The following KCNIP4 variants were observed in gnomAD, a reference collection of about 807,000 sequenced individuals.
KCNIP4 encodes the protein Kv channel-interacting protein 4.
A neutral mutation model predicts 34.0 loss-of-function variants in KCNIP4; 12 were observed. The observed-to-expected ratio is 0.35, with a 90% CI of 0.23 to 0.57. The LOEUF is 0.57. KCNIP4 is among the 20% of genes least tolerant of loss of function. The pLI is 0.83. For synonymous variants in KCNIP4, 124 were observed against 102.2 expected, an observed-to-expected ratio of 1.21 and a Z score of -1.29; for missense variants, 238 against 311.7, an observed-to-expected ratio of 0.76 and a Z score of 1.78.
intron 1 of KCNIP4, among the ~76,000 whole-genome samples, chr4:21,934,766 G>A (rs1419794093): frequency 6.6e-6 from 1 of 152,020 alleles, no homozygotes; most frequent in African/African-American, 2.4e-5. Flanking sequence ...GTGGAGCCAC[G>A]ATGCCTTGGT....
At chr4:21,781,335 GAACTGTGAGTCAATT>G (rs1216527861) in intron 1 of KCNIP4, among the ~76,000 whole-genome samples, 1 of 152,006 alleles carries the variant, frequency 6.6e-6, no homozygotes, top group Non-Finnish European at 1.5e-5. Flanking sequence ...TAGCTATCTG[GAACTGTGAGTCAATT>G]AACTCCTTCC....
At chr4:20,741,106 C>T (rs1389703676) in intron 5 of KCNIP4, among the ~76,000 whole-genome samples, 1 of 152,086 alleles carries the variant, frequency 6.6e-6, no homozygotes, top group East Asian at 1.9e-4. Context: ...ACTTAGACTC[C>T]CACACAATAA....
At chr4:21,796,943 A>G (rs1720665398) in intron 1 of KCNIP4, among the ~76,000 whole-genome samples, 1 of 152,154 alleles carries the variant, frequency 6.6e-6, no homozygotes, top group African/African-American at 2.4e-5. Context: ...TTTATATTGA[A>G]CGCTTCTGAC....
intron 1 of KCNIP4, among the ~76,000 whole-genome samples, chr4:21,114,791 C>A (rs904815283): frequency 6.6e-6 from 1 of 152,068 alleles, no homozygotes; most frequent in Non-Finnish European, 1.5e-5. Flanking sequence ...GGAATTTGCT[C>A]AAAGTTATAC....
intron 1 of KCNIP4, among the ~76,000 whole-genome samples, chr4:21,221,909 G>A (rs1758007383): frequency 6.6e-6 from 1 of 152,134 alleles, no homozygotes; most frequent in Non-Finnish European, 1.5e-5. Context: ...CCTTTTTCCT[G>A]TTCCTGTTCT....
At chr4:20,829,823 G>A (rs1480876664) in intron 3 of KCNIP4, among the ~76,000 whole-genome samples, 2 of 151,958 alleles carry the variant, frequency 1.3e-5, no homozygotes, top group Non-Finnish European at 2.9e-5. Flanking sequence ...TGTCCTTTCG[G>A]TGATCTCATC....
chr4:21,940,665 C>T (rs1331968470), intron 1 of KCNIP4, among the ~76,000 whole-genome samples: 1 of 152,040 alleles, frequency 6.6e-6, no homozygotes, highest in East Asian at 1.9e-4. Flanking sequence ...ATCATTACCA[C>T]CATTGTACAG....
At chr4:21,130,785 C>T (rs535909809) in intron 1 of KCNIP4, among the ~76,000 whole-genome samples, 3 of 152,242 alleles carry the variant, frequency 2.0e-5, no homozygotes, top group East Asian at 1.9e-4. Flanking sequence ...TAAACATATG[C>T]ATATATTATG....
intron 1 of KCNIP4, among the ~76,000 whole-genome samples, chr4:21,781,281 T>G (rs1719560550): frequency 1.3e-5 from 2 of 152,122 alleles, no homozygotes; most frequent in African/African-American, 4.8e-5. Flanking sequence ...GGTCCTTGTT[T>G]CCCTTTCACC....
intron 1 of KCNIP4, among the ~76,000 whole-genome samples, chr4:21,519,752 TGTGTATGTATGTGTGTATACACAC>T (rs1413306546): frequency 7.9e-5 from 11 of 138,472 alleles, no homozygotes; most frequent in Admixed American, 3.6e-4. Flanking sequence ...TACACACGTG[TGTGTATGTATGTGTGTATACACAC>T]GTGTGTGTAT....
intron 1 of KCNIP4, among the ~76,000 whole-genome samples, chr4:21,506,058 G>A (rs865924635): frequency 1.4e-4 from 22 of 152,090 alleles, no homozygotes; most frequent in African/African-American, 5.1e-4. Flanking sequence ...AGCTGAGATC[G>A]CACCACTGCA....
rs1031581139 is a variant in KCNIP4, at chr4:21,842,759, T to C, written c.61+105812A>G. Among the ~76,000 whole-genome samples, 42 of 152,152 alleles carry C rather than the reference T, an allele frequency of 2.8e-4. 1 individual carries two copies. Among genetic ancestry groups the C allele is most frequent in the African/African-American group, 8.9e-4 (37 of 41,456 alleles). ...TTACTTCAAATATTACTTTCTTTCATATTAAGGTAACATTATTACAACGAT... is the reference window on the plus strand; with the variant it reads ...TTACTTCAAATATTACTTTCTTTCACATTAAGGTAACATTATTACAACGAT... On this transcript the variant is annotated intron_variant, in intron 1 of 8. Coordinates refer to ENST00000382152, the MANE Select transcript of KCNIP4 (RefSeq NM_025221.6).
intron 2 of KCNIP4, among the ~76,000 whole-genome samples, chr4:20,864,101 T>TATGTGTGTATACATATCCATGTATACAC (rs1560525209): frequency 7.9e-6 from 1 of 125,988 alleles, no homozygotes; most frequent in Non-Finnish European, 1.9e-5. Flanking sequence ...CATGTATACG[T>TATGTGTGTATACATATCCATGTATACAC]ATGTATGTAT....
intron 1 of KCNIP4, among the ~76,000 whole-genome samples, chr4:21,713,461 T>C (rs969613600): frequency 1.3e-5 from 2 of 152,142 alleles, no homozygotes; most frequent in African/African-American, 4.8e-5. Flanking sequence ...CACTCTTCTT[T>C]AAAAAAATTA....
intron 1 of KCNIP4, among the ~76,000 whole-genome samples, chr4:21,313,099 C>A: frequency 6.6e-6 from 1 of 152,168 alleles, no homozygotes; most frequent in East Asian, 1.9e-4. Flanking sequence ...ATAAAAGTAA[C>A]AAAAGACACA....
At chr4:21,327,097 A>G (rs1365821950) in intron 1 of KCNIP4, among the ~76,000 whole-genome samples, 1 of 152,018 alleles carries the variant, frequency 6.6e-6, no homozygotes, top group African/African-American at 2.4e-5. Flanking sequence ...TTACAGTGAT[A>G]TAATATTCTG....
At chr4:21,524,820 C>A (rs1246953825) in intron 1 of KCNIP4, among the ~76,000 whole-genome samples, 1 of 151,916 alleles carries the variant, frequency 6.6e-6, no homozygotes, top group Non-Finnish European at 1.5e-5. Context: ...TTGCATCATG[C>A]GTAGTGCCTT....
At chr4:21,838,862 A>G (rs2597848) in intron 1 of KCNIP4, among the ~76,000 whole-genome samples, 57,775 of 152,072 alleles carry the variant, frequency 0.38, 12,612 homozygotes, top group Non-Finnish European at 0.51. Flanking sequence ...AATGAACTAA[A>G]TTTTTTCTCT....
At chr4:21,828,412 A>C (rs1174518784) in intron 1 of KCNIP4, among the ~76,000 whole-genome samples, 3 of 151,898 alleles carry the variant, frequency 2.0e-5, no homozygotes, top group Non-Finnish European at 4.4e-5. Context: ...AGATGAAGAT[A>C]ATAGGAGAGA....
Sources: gnomAD v4.1 joint callset for allele counts (sites outside exome capture counted in the v4.1 genomes callset) on GRCh38, gnomAD v4.1.1 for gene constraint, MANE v1.5 for transcripts, NCBI Gene and HGNC (gene_info 2026-07-23, HGNC 2026-07-21) for gene names.